FHIT: variants seen among roughly 807,000 people sequenced by gnomAD.
FHIT encodes the protein bis(5'-adenosyl)-triphosphatase.
Under a neutral mutation model 17.9 loss-of-function variants are expected in FHIT, and 19 were observed. The observed-to-expected ratio is 1.06, with a 90% CI of 0.74 to 1.56. The LOEUF is 1.56. Among genes scored for constraint, FHIT ranks in the 40% most tolerant of loss-of-function variants. The pLI, the probability that FHIT is intolerant of heterozygous loss-of-function variation, is 0.00. For synonymous variants in FHIT, 81 were observed against 69.7 expected (o/e 1.16, Z -0.81); for missense variants, 248 against 189.2 (o/e 1.31, Z -1.82).
intron 5 of FHIT, among the ~76,000 whole-genome samples, chr3:60,528,146 T>C (rs1412396521): frequency 6.6e-6 from 1 of 152,110 alleles, no homozygotes; most frequent in Non-Finnish European, 1.5e-5. Flanking sequence ...GCCAATAAAC[T>C]TTTCTTGTAG....
chr3:60,767,206 A>T (rs1553721717), intron 4 of FHIT, among the ~76,000 whole-genome samples: 1 of 152,230 alleles, frequency 6.6e-6, no homozygotes, highest in Non-Finnish European at 1.5e-5. Context: ...TAAAGTAAAT[A>T]GTATTTCAAC....
chr3:60,432,498 T>C (rs569111947), intron 5 of FHIT, among the ~76,000 whole-genome samples: 61 of 152,230 alleles, frequency 4.0e-4, no homozygotes, highest in African/African-American at 1.4e-3. Flanking sequence ...CCGTGGTAAA[T>C]ATATCACTAT....
At chr3:60,106,534 T>C (rs186352890) in intron 5 of FHIT, among the ~76,000 whole-genome samples, 1 of 152,316 alleles carries the variant, frequency 6.6e-6, no homozygotes, top group Admixed American at 6.5e-5. Context: ...CTGATGGCAA[T>C]TAGGTTCGGT....
chr3:60,704,349 C>T (rs2041320638), intron 4 of FHIT, among the ~76,000 whole-genome samples: 1 of 152,118 alleles, frequency 6.6e-6, no homozygotes, highest in Non-Finnish European at 1.5e-5. Flanking sequence ...TTTTTAGATA[C>T]TTGACAAAAT....
In FHIT at chr3:61,024,156, A is replaced by G. The variant is rs190756771; in HGVS notation, c.-111+17891T>C. Among the ~76,000 whole-genome samples the G allele has an allele frequency of 1.2e-4, 18 of 152,282 alleles. No individual in the cohort carries two copies. In the South Asian group the frequency reaches 3.5e-3, roughly 30 times the overall value. On this transcript the variant is annotated intron_variant, in intron 3 of 9. Coordinates refer to ENST00000492590, the MANE Select transcript of FHIT (RefSeq NM_002012.4). ...ATGAGAGTTATATTCTTGTTACCCA[A>G]GAATATAACTTCGCATCTTTTCAAA...
intron 5 of FHIT, among the ~76,000 whole-genome samples, chr3:60,492,508 ATTTT>A (rs34685557): frequency 2.1e-5 from 3 of 141,594 alleles, no homozygotes; most frequent in African/African-American, 5.2e-5. Flanking sequence ...GAAAGATGGC[ATTTT>A]TTTTTTTTTT....
chr3:60,612,309 A>G (rs1387680764), intron 4 of FHIT, among the ~76,000 whole-genome samples: 1 of 152,078 alleles, frequency 6.6e-6, no homozygotes, highest in Non-Finnish European at 1.5e-5. Context: ...CAACTCTGAG[A>G]CTCTATGGAT....
intron 4 of FHIT, among the ~76,000 whole-genome samples, chr3:60,717,366 C>T (rs72876925): frequency 2.0e-5 from 3 of 152,092 alleles, no homozygotes; most frequent in Non-Finnish European, 4.4e-5. Flanking sequence ...TGTTAATTAG[C>T]TTGATTTCAT....
chr3:60,294,254 AC>A (rs1408222250), intron 5 of FHIT, among the ~76,000 whole-genome samples: 1 of 152,150 alleles, frequency 6.6e-6, no homozygotes, highest in Non-Finnish European at 1.5e-5. Context: ...AAATAACATA[AC>A]AGATTCACTC....
chr3:60,234,063 G>C (rs1001517970), intron 5 of FHIT, among the ~76,000 whole-genome samples: 2 of 152,112 alleles, frequency 1.3e-5, no homozygotes, highest in Non-Finnish European at 2.9e-5. Context: ...TACATGCTCT[G>C]AGATCATTGG....
At chr3:60,096,290 C>A (rs1197637919) in intron 5 of FHIT, among the ~76,000 whole-genome samples, 1 of 152,260 alleles carries the variant, frequency 6.6e-6, no homozygotes, top group South Asian at 2.1e-4. Context: ...AGGGGTGGTC[C>A]CCCTATCTGA....
chr3:60,263,000 A>C (rs772085580), intron 5 of FHIT, among the ~76,000 whole-genome samples: 1 of 152,026 alleles, frequency 6.6e-6, no homozygotes, highest in Non-Finnish European at 1.5e-5. Flanking sequence ...CTAGAATAAA[A>C]AATAACTAAT....
intron 3 of FHIT, among the ~76,000 whole-genome samples, chr3:61,023,004 A>C (rs2107650298): frequency 6.6e-6 from 1 of 152,336 alleles, no homozygotes; most frequent in African/African-American, 2.4e-5. Context: ...GCGATCAGGC[A>C]AGAGAAAGAA....
At chr3:59,981,964 G>GAAA (rs3836265) in intron 7 of FHIT, among the ~76,000 whole-genome samples, 1 of 150,518 alleles carries the variant, frequency 6.6e-6, no homozygotes, top group Non-Finnish European at 1.5e-5. Flanking sequence ...TCAGCAAAAA[G>GAAA]AAAAAAAAAA....
chr3:60,812,920 A>G (rs1701618256), intron 4 of FHIT, among the ~76,000 whole-genome samples: 1 of 152,156 alleles, frequency 6.6e-6, no homozygotes, highest in Admixed American at 6.5e-5. Flanking sequence ...TGGCAAATGG[A>G]GGAAACACTT....
chr3:60,280,873 C>T (rs764218787), intron 5 of FHIT, among the ~76,000 whole-genome samples: 4 of 151,620 alleles, frequency 2.6e-5, no homozygotes, highest in East Asian at 1.9e-4. Context: ...AAAGATATAA[C>T]GATTGGGAAG....
At chr3:59,835,500 AT>A (rs1701309769) in intron 8 of FHIT, among the ~76,000 whole-genome samples, 1 of 152,140 alleles carries the variant, frequency 6.6e-6, no homozygotes, top group South Asian at 2.1e-4. Context: ...ATTTGTTGAC[AT>A]TTTTATGGAT....
At chr3:61,061,278 T>C (rs2034419599) in intron 2 of FHIT, among the ~76,000 whole-genome samples, 1 of 152,138 alleles carries the variant, frequency 6.6e-6, no homozygotes, top group African/African-American at 2.4e-5. Context: ...GTGTTCCTGT[T>C]GTGATATATG....
chr3:60,168,096 T>C (rs989065047), intron 5 of FHIT, among the ~76,000 whole-genome samples: 6 of 152,192 alleles, frequency 3.9e-5, no homozygotes, highest in Non-Finnish European at 5.9e-5. Context: ...TAGTTAACTA[T>C]GAATTTATTT....
Sources: gnomAD v4.1 joint callset for allele counts (sites outside exome capture counted in the v4.1 genomes callset) on GRCh38, gnomAD v4.1.1 for gene constraint, MANE v1.5 for transcripts, NCBI Gene and HGNC (gene_info 2026-07-23, HGNC 2026-07-21) for gene names.